SUSD2: variants seen among roughly 807,000 people sequenced by gnomAD.
SUSD2 encodes sushi domain containing 2.
A neutral mutation model predicts 93.8 loss-of-function variants in SUSD2; 86 were observed. That is an observed-to-expected ratio of 0.92 (90% CI 0.77 to 1.10). SUSD2 has a LOEUF of 1.10. Ranked by LOEUF, SUSD2 falls within the 50% of genes least tolerant of loss-of-function variation. SUSD2 has a pLI of 0.00. For missense variants in SUSD2, 1,060 were observed against 1,137.0 expected (o/e 0.93, Z 0.97); for synonymous variants, 483 against 485.0 (o/e 1.00, Z 0.05).
In SUSD2 at chr22:24,188,756, G is replaced by C. The variant is rs1414991469; in HGVS notation, c.*320G>C. On this transcript the variant is annotated 3_prime_UTR_variant, in exon 15 of 15. Transcript: ENST00000358321. This position sits in a 1 kb window ranked among gnomAD's most constrained non-coding sequence, Gnocchi z 4.7. ...CACACCTGAGCCTCAGATTCCAATA[G>C]CTCACTCCCTAGAGCCTGACGCCGG... 3.1e-6 allele frequency: 1 copy of C among 321,736 alleles called. No individual in the cohort carries two copies. Among genetic ancestry groups the C allele is most frequent in the South Asian group, 4.7e-5 (1 of 21,058 alleles). The allele number at this position is 321,736 out of a possible 1,614,324, so 19.9% of individuals were successfully genotyped here.
chr22:24,183,116 C>A lies in SUSD2; in HGVS notation c.136C>A (p.Pro46Thr), dbSNP rs768844184. 38 of 1,613,924 alleles carry A rather than the reference C, an allele frequency of 2.4e-5. No individual in the cohort carries two copies. The highest frequency in any genetic ancestry group is 2.9e-5 in the Non-Finnish European group (34 of 1,179,898). The change falls in exon 2 of 15, where the codon CCG becomes ACG. Residue 46 changes from proline to threonine, a missense_variant. By Grantham distance (38) the Pro-to-Thr change is conservative. Around this residue, in one of 2 missense-constraint regions of SUSD2, gnomAD observed 87 missense variants for 131.6 expected, o/e 0.66. Coordinates refer to ENST00000358321, the MANE Select transcript of SUSD2 (RefSeq NM_019601.4). ...CCTGGACGGGCCATGTTCCTGCCAC[C>A]CGACGTGCTCTGGCCTTGGCACCTG... ...GALDGPCSCHPTCSGLGTCCL... is the reference protein window; with the variant it reads ...GALDGPCSCHTTCSGLGTCCL...
chr22:24,181,888 A>G (rs2047327989), intron 1 of SUSD2, among the ~76,000 whole-genome samples: 2 of 152,050 alleles, frequency 1.3e-5, no homozygotes, highest in African/African-American at 4.8e-5. Flanking sequence ...ACGGAGGGGG[A>G]GCCAGGATTG....
At chr22:24,183,295 G>T in intron 2 of SUSD2, 28 bp downstream of exon 2, 1 of 1,593,688 alleles carries the variant, frequency 6.3e-7, no homozygotes, top group Non-Finnish European at 8.6e-7. Flanking sequence ...GCCGGGCACT[G>T]GGGCCCCACG....
At position 24,187,912 on chromosome 22, in the gene SUSD2, A is replaced by G. The variant is rs772896975; in HGVS notation, c.2165-47A>G. The G allele has an allele frequency of 7.5e-6, 12 of 1,608,218 alleles. No homozygotes were observed. The South Asian group carries it at 1.2e-4, about 16-fold the overall frequency. On this transcript the variant is annotated intron_variant, in intron 12 of 14. Transcript: ENST00000358321. ...CCCCCCGGGGTGGCCAGATGTGTGT[A>G]TGCATGGCAGCTCAGGCCTGTTGTC...
At chr22:24,184,342 G>A in intron 4 of SUSD2, 39 bp downstream of exon 4, 1 of 1,602,944 alleles carries the variant, frequency 6.2e-7, no homozygotes, top group Non-Finnish European at 8.5e-7. Flanking sequence ...TCAGAGCTTT[G>A]GGCCCCCAGA....
intron 1 of SUSD2, 129 bp downstream of exon 1, chr22:24,181,724 T>C (rs2047327135): frequency 2.8e-6 from 2 of 718,524 alleles, no homozygotes; most frequent in African/African-American, 1.9e-5. Context: ...CTAGGGGTGA[T>C]GGGAAGAAAT....
Position 24,187,266 on chromosome 22 carries a change from G to A in SUSD2, c.1707G>A (p.Leu569=), listed in dbSNP as rs2047373552. Residue 569 remains leucine, a synonymous_variant, in exon 11 of 15, where the codon CTG becomes CTA. Transcript: ENST00000358321. ...TCATGCTGGCATCAGGGGCCGGCCT[G>A]GAGGTCAGCGTGCAGGGCCCGTTCC... The part of the protein sequence containing the change: ...VSIMLASGAG[L]EVSVQGPFLS... The A allele has an allele frequency of 1.9e-6, 3 of 1,614,016 alleles. No homozygotes were observed. The highest frequency in any genetic ancestry group is 2.5e-6 in the Non-Finnish European group (3 of 1,180,016).
chr22:24,184,266 G>C lies in SUSD2; in HGVS notation c.570G>C (p.Gln190His), dbSNP rs1459406685. 6.2e-7 allele frequency: 1 copy of C among 1,613,630 alleles called. No individual in the cohort carries two copies. The highest frequency in any genetic ancestry group is 1.1e-5 in the South Asian group (1 of 91,084). The change falls in exon 4 of 15, where the codon CAG becomes CAC. Residue 190 changes from glutamine to histidine, a missense_variant. Coordinates refer to ENST00000358321, the MANE Select transcript of SUSD2 (RefSeq NM_019601.4). ...GGCATGTCAAGTCGCTGCCCACGCA[G>C]ACCATCACCATCGAACTGTGGGGCT... ...LTWHVKSLPT[Q>H]TITIELWGYE... is the part of the protein sequence containing the mutation.
rs1232837433 is a variant in SUSD2, at chr22:24,183,151, T to C, written c.171T>C (p.Asp57=). 3.7e-6 allele frequency: 6 copies of C among 1,614,054 alleles called. No individual in the cohort carries two copies. Among genetic ancestry groups the C allele is most frequent in the Non-Finnish European group, 4.2e-6 (5 of 1,179,886 alleles). ...TCSGLGTCCL[D]FRDFCLEILP... Reference sequence around the variant, plus strand: ...CTGGCCTTGGCACCTGCTGCTTGGATTTCCGGGACTTCTGCCTGGAGATAT... The same window carrying C: ...CTGGCCTTGGCACCTGCTGCTTGGACTTCCGGGACTTCTGCCTGGAGATAT... The change falls in exon 2 of 15, where the codon GAT becomes GAC. Residue 57 remains aspartate, a synonymous_variant. Transcript: ENST00000358321.
Position 24,188,360 on chromosome 22 carries a change from G to T in SUSD2, c.2444+33G>T. ...CCCCCAGCCCCTCTCCCAAGACCCC[G>T]AGACAGCCGGTGGGACCACCGAGGC... On this transcript the variant is annotated intron_variant, in intron 14 of 14. Transcript: ENST00000358321. The surrounding 1 kb of genome is among the most constrained non-coding windows in gnomAD (Gnocchi z 4.7). 1 of 1,610,310 alleles carries T rather than the reference G, an allele frequency of 6.2e-7. No individual in the cohort carries two copies.
Position 24,187,272 on chromosome 22 carries a change from C to T in SUSD2, c.1713C>T (p.Val571=). ...TGGCATCAGGGGCCGGCCTGGAGGT[C>T]AGCGTGCAGGGCCCGTTCCTGAGTG... ...IMLASGAGLE[V]SVQGPFLSVS... is the part of the protein sequence containing the mutation. Residue 571 remains valine, a synonymous_variant, in exon 11 of 15, where the codon GTC becomes GTT. Transcript: ENST00000358321. 1 of 1,614,052 alleles carries T rather than the reference C, an allele frequency of 6.2e-7. No homozygotes were observed. The highest frequency in any genetic ancestry group is 8.5e-7 in the Non-Finnish European group (1 of 1,180,008).
Position 24,188,398 on chromosome 22 carries a change from C to A in SUSD2, c.2445-14C>A, listed in dbSNP as rs202128842. 5.7e-4 allele frequency: 921 copies of A among 1,611,736 alleles called. 1 individual carries two copies. Among genetic ancestry groups the A allele is most frequent in the Non-Finnish European group, 6.9e-4 (813 of 1,179,832 alleles). On this transcript the variant is annotated splice_polypyrimidine_tract_variant and intron_variant, in intron 14 of 14. Transcript: ENST00000358321. This position sits in a 1 kb window ranked among gnomAD's most constrained non-coding sequence, Gnocchi z 4.7. ...GGACCACCGAGGCTACTTCTAACTG[C>A]GTTTCTGTTGCAGGCACGTCTGGGG...
chr22:24,186,528 G>A lies in SUSD2; in HGVS notation c.1642+113G>A, dbSNP rs1346714711. 3 of 1,365,210 alleles carry A rather than the reference G, an allele frequency of 2.2e-6. No individual in the cohort carries two copies. In the East Asian group the frequency reaches 7.4e-5, roughly 34 times the overall value. The allele number at this position is 1,365,210 out of a possible 1,614,324, so 84.6% of individuals were successfully genotyped here. On this transcript the variant is annotated intron_variant, in intron 10 of 14. Transcript: ENST00000358321. ...ATGCCTCTCCCAGTCCTGGCTAGAG[G>A]CCTGGGTGGTCCGACCTCAGGCCTT... is the stretch of plus-strand genomic sequence containing the variant.
rs1339255104 is a variant in SUSD2 at position 24,186,131 on chromosome 22, GC to G, written c.1456del (p.Arg486GlyfsTer18). On this transcript the variant is annotated frameshift_variant, in exon 9 of 15. Coordinates refer to ENST00000358321, the MANE Select transcript of SUSD2 (RefSeq NM_019601.4). LOFTEE classifies it high-confidence loss of function. ...CGCTGACCGACCTGAGGGTGCAGGC[GC>G]GGGCCCAGCCCGGGACGATGTCCAA... ...AALTDLRVQA[R>X]AQPGTMSNGT... 1 of 1,611,294 alleles carries G rather than the reference GC, an allele frequency of 6.2e-7. No individual in the cohort carries two copies. The highest frequency in any genetic ancestry group is 8.5e-7 in the Non-Finnish European group (1 of 1,179,000).
chr22:24,185,986 C>T (rs1171807909), intron 8 of SUSD2, 30 bp from the exon 9 acceptor site: 1 of 1,586,872 alleles, frequency 6.3e-7, no homozygotes, highest in Admixed American at 1.7e-5. Context: ...CTGGGGTGCA[C>T]CCCCACGTGA....
Position 24,185,665 on chromosome 22 carries a change from C to T in SUSD2, c.1075C>T (p.Arg359Trp), listed in dbSNP as rs750585032. The T allele has an allele frequency of 1.3e-5, 21 of 1,608,964 alleles. No homozygotes were observed. The highest frequency in any genetic ancestry group is 1.1e-4 in the African/African-American group (8 of 74,868). Residue 359 changes from arginine to tryptophan, a missense_variant, in exon 8 of 15, where the codon CGG becomes TGG. Physicochemically the swap from Arg to Trp is moderately radical, Grantham distance 101. Transcript: ENST00000358321. ...CTGACTCACTGGCTCCTGCAGCCTC[C>T]GGTACGGCTCAGGTCAGCAGTGCTG... ...HCVRSVQASL[R>W]YGSGQQCCYT...
At chr22:24,187,048 T>C in intron 10 of SUSD2, 154 bp from the exon 11 acceptor site, 2 of 958,156 alleles carry the variant, frequency 2.1e-6, no homozygotes, top group Non-Finnish European at 3.1e-6. Flanking sequence ...TGGCGGAGGG[T>C]CATGGTCAGC....
At chr22:24,181,664 A>T in intron 1 of SUSD2, 69 bp downstream of exon 1, 1 of 1,264,160 alleles carries the variant, frequency 7.9e-7, no homozygotes, top group Non-Finnish European at 1.1e-6. Flanking sequence ...CTGGGCTGAC[A>T]TCCCTCTGGG....
Position 24,185,939 on chromosome 22 carries a change from A to G in SUSD2, c.1339+10A>G. ...CGGCCCCCAAGACTGGGTGGGTGCC[A>G]TCCCGTGCCCCAGACCCTGGGAAAG... On this transcript the variant is annotated intron_variant, in intron 8 of 14. Coordinates refer to ENST00000358321, the MANE Select transcript of SUSD2 (RefSeq NM_019601.4). 6.4e-7 allele frequency: 1 copy of G among 1,569,090 alleles called. No homozygotes were observed. Among genetic ancestry groups the G allele is most frequent in the South Asian group, 1.2e-5 (1 of 84,750 alleles).
Sources: allele counts gnomAD v4.1 joint callset (sites outside exome capture counted in the v4.1 genomes callset), GRCh38; gene constraint gnomAD v4.1.1; regional missense constraint gnomAD v4.1.1; non-coding constraint Gnocchi (gnomAD v3.1); transcripts MANE v1.5; gene names NCBI Gene and HGNC (gene_info 2026-07-23, HGNC 2026-07-21).